The following DMTF1 variants were observed in gnomAD, a reference collection of about 807,000 sequenced individuals.
DMTF1 encodes the protein cyclin-D-binding Myb-like transcription factor 1.
In DMTF1, 39 loss-of-function variants were observed where a neutral mutation model predicts 91.1. The observed-to-expected ratio is 0.43, with a 90% CI of 0.33 to 0.56. DMTF1 has a LOEUF of 0.56. Among genes scored for constraint, DMTF1 ranks in the 20% least tolerant of loss-of-function variants. The pLI is 0.05. For synonymous variants in DMTF1, 338 were observed against 309.5 expected (o/e 1.09, Z -0.97); for missense variants, 750 against 914.5 (o/e 0.82, Z 2.32).
intron 1 of DMTF1, among the ~76,000 whole-genome samples, chr7:87,156,955 A>T (rs952837394): frequency 6.6e-6 from 1 of 152,180 alleles, no homozygotes; most frequent in African/African-American, 2.4e-5. Flanking sequence ...AATGTAAAGT[A>T]GTAATGATAC....
intron 13 of DMTF1, 118 bp downstream of exon 13, chr7:87,188,419 A>G: frequency 1.0e-6 from 1 of 981,910 alleles, no homozygotes; most frequent in Non-Finnish European, 1.5e-6. Context: ...GGTGAACTGA[A>G]GGACATCTAA....
chr7:87,184,597 A>G lies in DMTF1; in HGVS notation c.1021A>G (p.Lys341Glu). ...ACAGAGTGGGGGTACTGAATGGACCAAGGAAGATGAAATCAATCTCATCCT... is the reference window on the plus strand; with the variant it reads ...ACAGAGTGGGGGTACTGAATGGACCGAGGAAGATGAAATCAATCTCATCCT... The part of the protein sequence containing the change: ...WKQSGGTEWT[K>E]EDEINLILRI... The change falls in exon 11 of 18, where the codon AAG (lysine) becomes GAG (glutamate). Residue 341 changes from lysine (K) to glutamate (E), a missense_variant. By Grantham distance (56) the Lys-to-Glu change is moderately conservative. Transcript: ENST00000331242. The G allele has an allele frequency of 6.2e-7, 1 of 1,613,926 alleles. No homozygotes were observed.
At chr7:87,188,044 GGTCT>G (rs749485536) in intron 12 of DMTF1, 44 bp from the exon 13 acceptor site, 2 of 1,499,624 alleles carry the variant, frequency 1.3e-6, no homozygotes, top group South Asian at 1.1e-5. Flanking sequence ...CTTAGATGGT[GGTCT>G]GTCGGAGAAT....
chr7:87,194,615 C>T (rs1409907778), intron 16 of DMTF1, 69 bp from the exon 17 acceptor site: 1 of 1,198,010 alleles, frequency 8.3e-7, no homozygotes, highest in South Asian at 1.4e-5. Context: ...CCTATACATA[C>T]CTATACATGG....
chr7:87,155,489 G>A (rs1234221396), intron 1 of DMTF1: 3 of 152,068 alleles, frequency 2.0e-5, no homozygotes, highest in Non-Finnish European at 4.4e-5. Context: ...AAGAAGACCC[G>A]AGAAAGTGGT....
At chr7:87,157,544 C>T (rs972951822) in intron 1 of DMTF1, among the ~76,000 whole-genome samples, 2 of 152,036 alleles carry the variant, frequency 1.3e-5, no homozygotes, top group Non-Finnish European at 2.9e-5. Flanking sequence ...CTTAAATGCC[C>T]AGAAAAATCA....
rs1387973548 is a variant in DMTF1 at position 87,196,020 on chromosome 7, T to A, written c.*880T>A. ...TATAACCTCTCATCTCAGGCTATTT[T>A]AAAAAAACAATATTTGCTTCTATAA... On this transcript the variant is annotated 3_prime_UTR_variant, in exon 18 of 18. Transcript: ENST00000331242. 6.6e-6 allele frequency: 1 copy of A among 152,264 alleles called. No homozygotes were observed. Among genetic ancestry groups the A allele is most frequent in the Non-Finnish European group, 1.5e-5 (1 of 68,010 alleles). The allele number at this position is 152,264 out of a possible 1,614,324, so 9.4% of individuals were successfully genotyped here.
chr7:87,162,272 A>G (rs905310112), intron 1 of DMTF1, among the ~76,000 whole-genome samples: 1 of 152,058 alleles, frequency 6.6e-6, no homozygotes, highest in East Asian at 1.9e-4. Flanking sequence ...ACTAGATCTC[A>G]CTATCTCAGG....
At chr7:87,167,490 C>G (rs1160690911) in intron 4 of DMTF1, among the ~76,000 whole-genome samples, 4 of 152,192 alleles carry the variant, frequency 2.6e-5, no homozygotes, top group Admixed American at 2.6e-4. Context: ...TTTGCCATAG[C>G]TGAGAACTTT....
rs1308880028 is a variant in DMTF1, at chr7:87,163,529, A to G, written c.-97A>G. On this transcript the variant is annotated 5_prime_UTR_variant, in exon 2 of 18. Coordinates refer to ENST00000331242, the MANE Select transcript of DMTF1 (RefSeq NM_001142327.2). The stretch of plus-strand genomic sequence containing the variant: ...GAGATAGGAACATGGGAGAGAAACA[A>G]TCTGGGTAACATGAAAGTGATGCTG... The G allele has an allele frequency of 6.6e-6, 1 of 152,264 alleles. No individual in the cohort carries two copies. The highest frequency in any genetic ancestry group is 1.5e-5 in the Non-Finnish European group (1 of 68,066). The allele number at this position is 152,264 out of a possible 1,614,324, so 9.4% of individuals were successfully genotyped here. A position where few individuals can be genotyped will look rare whatever the true frequency, so the allele number is the denominator to read the frequency against.
intron 3 of DMTF1, among the ~76,000 whole-genome samples, chr7:87,165,428 C>T (rs1249859536): frequency 6.6e-6 from 1 of 152,142 alleles, no homozygotes. Context: ...ATATGGTGAT[C>T]TACAATGAAT....
Position 87,182,260 on chromosome 7 carries a change from C to A in DMTF1, c.743C>A (p.Thr248Lys), listed in dbSNP as rs1797524054. The A allele has an allele frequency of 6.2e-7, 1 of 1,613,992 alleles. No homozygotes were observed. The highest frequency in any genetic ancestry group is 8.5e-7 in the Non-Finnish European group (1 of 1,179,998). ...LRIKHGNDWATIGAALGRSAS... is the reference protein window; with the variant it reads ...LRIKHGNDWAKIGAALGRSAS... Reference sequence around the variant, plus strand: ...ATAAAGCATGGCAATGACTGGGCAACAATAGGGGCGGCGCTAGGAAGAAGT... The same window carrying A: ...ATAAAGCATGGCAATGACTGGGCAAAAATAGGGGCGGCGCTAGGAAGAAGT... The change falls in exon 10 of 18, where the codon ACA (threonine) becomes AAA (lysine). Residue 248 changes from threonine (T) to lysine (K), a missense_variant. Physicochemically the swap from Thr to Lys is moderately conservative, Grantham distance 78 (BLOSUM62 -1). Coordinates refer to ENST00000331242, the MANE Select transcript of DMTF1 (RefSeq NM_001142327.2).
At chr7:87,166,147 A>G (rs1793775020) in intron 3 of DMTF1, among the ~76,000 whole-genome samples, 1 of 152,206 alleles carries the variant, frequency 6.6e-6, no homozygotes, top group Non-Finnish European at 1.5e-5. Flanking sequence ...AGCAGATCAC[A>G]CTATCTTTAT....
intron 6 of DMTF1, 32 bp from the exon 7 acceptor site, chr7:87,174,559 CAT>C: frequency 7.8e-6 from 11 of 1,410,288 alleles, no homozygotes; most frequent in Non-Finnish European, 1.1e-5. Context: ...CAAGGAGTAA[CAT>C]TTTTTATAAC....
At chr7:87,180,311 T>C (rs1215624120) in intron 8 of DMTF1, among the ~76,000 whole-genome samples, 1 of 152,230 alleles carries the variant, frequency 6.6e-6, no homozygotes, top group Admixed American at 6.5e-5. Flanking sequence ...AGCCTGCTAA[T>C]GAAAGTACAT....
At position 87,191,032 on chromosome 7, in the gene DMTF1, GTAACGCTTCATATA is replaced by G; in HGVS notation, c.1494+8_1494+21del. On this transcript the variant is annotated splice_donor_region_variant and intron_variant, in intron 14 of 17. Coordinates refer to ENST00000331242, the MANE Select transcript of DMTF1 (RefSeq NM_001142327.2). ...CAGACATTTGAGATTCTTCCCGTGA[GTAACGCTTCATATA>G]TATTGGCCATTTTTATGCATGAGAA... 6.4e-7 allele frequency: 1 copy of G among 1,573,486 alleles called. No individual in the cohort carries two copies. The highest frequency in any genetic ancestry group is 1.7e-4 in the Middle Eastern group (1 of 5,958).
At chr7:87,157,156 T>C (rs897336290) in intron 1 of DMTF1, among the ~76,000 whole-genome samples, 4 of 152,144 alleles carry the variant, frequency 2.6e-5, no homozygotes, top group Admixed American at 6.5e-5. Context: ...TACTGCCTTA[T>C]TAGTTGATCT....
In DMTF1 at chr7:87,196,149, G is replaced by GAA; in HGVS notation, c.*1017_*1018dup. The GAA allele has an allele frequency of 6.6e-6, 1 of 151,280 alleles. No homozygotes were observed. Among genetic ancestry groups the GAA allele is most frequent in the Non-Finnish European group, 1.5e-5 (1 of 67,956 alleles). The allele number at this position is 151,280 out of a possible 1,614,324, so 9.4% of individuals were successfully genotyped here. On this transcript the variant is annotated 3_prime_UTR_variant, in exon 18 of 18. Coordinates refer to ENST00000331242, the MANE Select transcript of DMTF1 (RefSeq NM_001142327.2). ...AATATGACCCCTATAGAAAAGTCAAGAAAAAAAAACCCTTGTATAAATTAT... is the reference window on the plus strand; with the variant it reads ...AATATGACCCCTATAGAAAAGTCAAGAAAAAAAAAAACCCTTGTATAAATTAT...
chr7:87,158,499 C>G (rs1366461910), intron 1 of DMTF1, among the ~76,000 whole-genome samples: 1 of 151,968 alleles, frequency 6.6e-6, no homozygotes. Flanking sequence ...CCTAAGTTTT[C>G]TAAAATTTAT....
Sources: allele counts gnomAD v4.1 joint callset (sites outside exome capture counted in the v4.1 genomes callset), GRCh38; gene constraint gnomAD v4.1.1; transcripts MANE v1.5; gene names NCBI Gene and HGNC (gene_info 2026-07-23, HGNC 2026-07-21).